The following SNX24 variants were observed in gnomAD, a reference collection of about 807,000 sequenced individuals.
The protein encoded by SNX24 is sorting nexin-24.
In SNX24, 22 loss-of-function variants were observed where a neutral mutation model predicts 28.7. The ratio of observed to expected loss-of-function variants is 0.77; its 90% CI spans 0.55 to 1.10. The LOEUF (loss-of-function observed/expected upper bound fraction) is 1.10. SNX24 is among the 50% of genes least tolerant of loss of function. The probability of loss-of-function intolerance (pLI) is 0.00; values close to 1 mark genes in which losing one functional copy is unlikely to be tolerated. For missense variants in SNX24, 221 were observed against 201.1 expected (o/e 1.10, Z -0.60); for synonymous variants, 69 against 71.5 (o/e 0.96, Z 0.18).
intron 5 of SNX24, 39 bp from the exon 6 acceptor site, chr5:123,001,901 G>T (rs372169345): frequency 2.5e-6 from 4 of 1,571,342 alleles, no homozygotes; most frequent in Non-Finnish European, 3.5e-6. Context: ...GTTTACCATC[G>T]TCCCCTGATG....
chr5:122,883,650 T>C (rs1756573371), intron 1 of SNX24, among the ~76,000 whole-genome samples: 1 of 151,430 alleles, frequency 6.6e-6, no homozygotes, highest in African/African-American at 2.4e-5. Context: ...TTATTTATTC[T>C]TTTTTTTTGT....
rs953532878 is a variant in SNX24 at position 122,942,918 on chromosome 5, A to G, written c.145-3137A>G. Among the ~76,000 whole-genome samples the G allele has an allele frequency of 1.1e-4, 16 of 152,350 alleles. 2 individuals carry two copies. The highest frequency in any genetic ancestry group is 3.9e-4 in the East Asian group (2 of 5,194). ...GTACTCCTGACATAAATAAAAAAGG[A>G]AAAATATTTTCAGTTGCTAGATCTT... On this transcript the variant is annotated intron_variant, in intron 2 of 6. Transcript: ENST00000261369.
chr5:122,921,603 A>C (rs1336916883), intron 1 of SNX24, among the ~76,000 whole-genome samples: 2 of 144,348 alleles, frequency 1.4e-5, no homozygotes, highest in African/African-American at 5.3e-5. Flanking sequence ...TTGAAAGTCT[A>C]ATACATGAAA....
intron 1 of SNX24, among the ~76,000 whole-genome samples, chr5:122,911,847 G>A (rs1049179603): frequency 9.1e-5 from 13 of 143,572 alleles, no homozygotes; most frequent in African/African-American, 2.7e-4. Context: ...TTTGGTACCA[G>A]TACCATGCTG....
intron 1 of SNX24, among the ~76,000 whole-genome samples, chr5:122,935,700 A>G (rs1255271538): frequency 7.0e-6 from 1 of 143,854 alleles, no homozygotes; most frequent in Non-Finnish European, 1.5e-5. Flanking sequence ...TTTCATAATG[A>G]AGATGTGCGA....
intron 6 of SNX24, among the ~76,000 whole-genome samples, 186 bp from the exon 7 acceptor site, chr5:123,007,496 A>G (rs1762456308): frequency 6.6e-6 from 1 of 152,202 alleles, no homozygotes; most frequent in Non-Finnish European, 1.5e-5. Context: ...GGTGTGCTCA[A>G]GTGGCTTTAG....
intron 3 of SNX24, among the ~76,000 whole-genome samples, chr5:122,954,373 T>C (rs1760112636): frequency 6.6e-6 from 1 of 152,104 alleles, no homozygotes. Context: ...ACTCAATCTA[T>C]AAGAACAAAG....
At chr5:122,928,995 T>C (rs1293497388) in intron 1 of SNX24, among the ~76,000 whole-genome samples, 1 of 151,972 alleles carries the variant, frequency 6.6e-6, no homozygotes, top group Non-Finnish European at 1.5e-5. Flanking sequence ...TGTTAATTTG[T>C]GTGATTGTCC....
At chr5:122,975,206 A>G (rs1318553836) in intron 3 of SNX24, among the ~76,000 whole-genome samples, 1 of 152,188 alleles carries the variant, frequency 6.6e-6, no homozygotes, top group Non-Finnish European at 1.5e-5. Flanking sequence ...ACACCAGATT[A>G]TCAGTCCTGT....
chr5:122,978,262 T>G (rs1475922234), intron 3 of SNX24, among the ~76,000 whole-genome samples: 1 of 152,198 alleles, frequency 6.6e-6, no homozygotes. Context: ...ATAACAAGAT[T>G]AGGTTTTGAA....
At chr5:122,922,728 C>T (rs569202448) in intron 1 of SNX24, among the ~76,000 whole-genome samples, 75 of 152,252 alleles carry the variant, frequency 4.9e-4, no homozygotes, top group Non-Finnish European at 8.2e-4. Flanking sequence ...TTCTTTTACT[C>T]GGCTTTATTC....
intron 3 of SNX24, among the ~76,000 whole-genome samples, chr5:122,977,425 A>C (rs576316960): frequency 5.3e-5 from 8 of 152,002 alleles, no homozygotes; most frequent in Non-Finnish European, 1.2e-4. Context: ...GGGATAGAGA[A>C]AATGCTGCTC....
At chr5:122,988,064 C>A (rs1324937560) in intron 3 of SNX24, among the ~76,000 whole-genome samples, 1 of 152,136 alleles carries the variant, frequency 6.6e-6, no homozygotes, top group East Asian at 1.9e-4. Context: ...CTTCCCTGCC[C>A]CCCTTTCCAG....
intron 3 of SNX24, among the ~76,000 whole-genome samples, chr5:122,974,799 T>C (rs554865432): frequency 6.6e-6 from 1 of 152,330 alleles, no homozygotes; most frequent in African/African-American, 2.4e-5. Flanking sequence ...TTGATTACTA[T>C]TTTTCTAGGT....
intron 1 of SNX24, among the ~76,000 whole-genome samples, chr5:122,848,424 C>G (rs531967936): frequency 1.3e-5 from 2 of 149,514 alleles, no homozygotes; most frequent in Non-Finnish European, 3.0e-5. Flanking sequence ...TTAAAACGGC[C>G]GGGGCGTGGT....
chr5:122,940,092 C>G (rs1455407910), intron 2 of SNX24, among the ~76,000 whole-genome samples: 5 of 151,922 alleles, frequency 3.3e-5, no homozygotes, highest in Non-Finnish European at 7.4e-5. Context: ...CTCCCAGGTT[C>G]AAGCAATTCT....
At chr5:122,877,616 C>G (rs1013592706) in intron 1 of SNX24, among the ~76,000 whole-genome samples, 1 of 152,200 alleles carries the variant, frequency 6.6e-6, no homozygotes, top group African/African-American at 2.4e-5. Context: ...TCTGAACCAA[C>G]CCACCCACTC....
chr5:122,879,726 G>A (rs1756391933), intron 1 of SNX24, among the ~76,000 whole-genome samples: 1 of 152,192 alleles, frequency 6.6e-6, no homozygotes, highest in Admixed American at 6.5e-5. Flanking sequence ...TCACTATGTT[G>A]TCCAGGCTGG....
intron 3 of SNX24, among the ~76,000 whole-genome samples, chr5:122,991,386 T>G (rs1761842963): frequency 6.6e-6 from 1 of 152,212 alleles, no homozygotes; most frequent in African/African-American, 2.4e-5. Context: ...CTGAAAAGAA[T>G]TGAGCTGTTC....
Sources: gnomAD v4.1 joint callset for allele counts (sites outside exome capture counted in the v4.1 genomes callset) on GRCh38, gnomAD v4.1.1 for gene constraint, MANE v1.5 for transcripts, NCBI Gene and HGNC (gene_info 2026-07-23, HGNC 2026-07-21) for gene names.